NR6A1: variants seen among roughly 807,000 people sequenced by gnomAD.
NR6A1 encodes the protein nuclear receptor subfamily 6 group A member 1.
Under a neutral mutation model 59.1 loss-of-function variants are expected in NR6A1, and 7 were observed. That is an observed-to-expected ratio of 0.12 (90% CI 0.07 to 0.22). The LOEUF (loss-of-function observed/expected upper bound fraction) is 0.22, where lower values mean the gene tolerates loss of function less well. Ranked by LOEUF, NR6A1 falls within the 10% of genes least tolerant of loss-of-function variation. The pLI, the probability that NR6A1 is intolerant of heterozygous loss-of-function variation, is 1.00. For synonymous variants in NR6A1, 243 were observed against 236.1 expected, an observed-to-expected ratio of 1.03 and a Z score of -0.27; for missense variants, 468 against 611.6, an observed-to-expected ratio of 0.77 and a Z score of 2.48.
At chr9:124,530,819 T>G (rs969423464) in intron 7 of NR6A1, among the ~76,000 whole-genome samples, 3 of 152,218 alleles carry the variant, frequency 2.0e-5, no homozygotes, top group Non-Finnish European at 4.4e-5. Context: ...GAAAATGCTC[T>G]GGGAAAATAA....
intron 2 of NR6A1, among the ~76,000 whole-genome samples, chr9:124,573,038 T>A (rs1188085138): frequency 2.0e-5 from 3 of 152,246 alleles, no homozygotes; most frequent in Non-Finnish European, 4.4e-5. Flanking sequence ...CAAAGTTGTA[T>A]TAAGCTGAAA....
At chr9:124,589,356 G>A (rs1341658218) in intron 2 of NR6A1, among the ~76,000 whole-genome samples, 1 of 152,232 alleles carries the variant, frequency 6.6e-6, no homozygotes, top group Non-Finnish European at 1.5e-5. Context: ...TGAGGCAGGA[G>A]AGTGGCGTGA....
intron 2 of NR6A1, among the ~76,000 whole-genome samples, chr9:124,665,630 C>T (rs2130953794): frequency 6.6e-6 from 1 of 152,326 alleles, no homozygotes; most frequent in South Asian, 2.1e-4. Context: ...ATGTTTCCTT[C>T]ATCTCCTTCC....
At chr9:124,724,911 T>C (rs867158160) in intron 2 of NR6A1, among the ~76,000 whole-genome samples, 12 of 152,330 alleles carry the variant, frequency 7.9e-5, no homozygotes, top group East Asian at 1.9e-4. Flanking sequence ...CCCTTGTCTA[T>C]GGGACAGAAA....
At chr9:124,555,980 G>C (rs1291760101) in intron 2 of NR6A1, among the ~76,000 whole-genome samples, 1 of 152,194 alleles carries the variant, frequency 6.6e-6, no homozygotes, top group African/African-American at 2.4e-5. Flanking sequence ...ATACAGGAGG[G>C]ATGCAGAGAA....
At chr9:124,643,102 G>A (rs556888737) in intron 2 of NR6A1, among the ~76,000 whole-genome samples, 6 of 121,472 alleles carry the variant, frequency 4.9e-5, no homozygotes, top group East Asian at 3.9e-4. Context: ...GCCCTCGGGT[G>A]GGGGGGGGGA....
rs199953539 is a variant in NR6A1, at chr9:124,725,285, C to CA, written c.142+8022dup. 1.1e-4 allele frequency among the ~76,000 whole-genome samples: 16 copies of CA among 152,094 alleles called. No individual in the cohort carries two copies. In the East Asian group the frequency reaches 2.1e-3, roughly 20 times the overall value. On this transcript the variant is annotated intron_variant, in intron 2 of 9. Transcript: ENST00000487099. The stretch of plus-strand genomic sequence containing the variant: ...AACTTAGCCTGAACCTGTGCCATAA[C>CA]ATTGGACTCCAGGAAGTCCAGGAAT...
chr9:124,564,681 C>CTGTG lies in NR6A1; in HGVS notation c.143-10115_143-10112dup, dbSNP rs56301413. Among the ~76,000 whole-genome samples, 290 of 149,394 alleles carry CTGTG rather than the reference C, an allele frequency of 1.9e-3. 1 individual carries two copies. Among genetic ancestry groups the CTGTG allele is most frequent in the South Asian group, 3.8e-3 (18 of 4,700 alleles). ...TAAGGTCCCATTCAAAATCCACACTCTGTGTGTGTGTGTGTGTGTGTGTGT... is the reference window on the plus strand; with the variant it reads ...TAAGGTCCCATTCAAAATCCACACTCTGTGTGTGTGTGTGTGTGTGTGTGTGTGT... On this transcript the variant is annotated intron_variant, in intron 2 of 9. Transcript: ENST00000487099.
chr9:124,555,106 A>G (rs1028714792), intron 2 of NR6A1, among the ~76,000 whole-genome samples: 2 of 152,116 alleles, frequency 1.3e-5, no homozygotes, highest in African/African-American at 2.4e-5. Context: ...TGAAGCTTAC[A>G]CTCTAGCAGA....
At chr9:124,715,323 G>C (rs1002069015) in intron 2 of NR6A1, among the ~76,000 whole-genome samples, 1 of 151,912 alleles carries the variant, frequency 6.6e-6, no homozygotes, top group South Asian at 2.1e-4. Flanking sequence ...CTAAATTTAA[G>C]ACCAGCCTGG....
chr9:124,745,461 C>T (rs570495592), intron 1 of NR6A1, among the ~76,000 whole-genome samples: 14 of 152,168 alleles, frequency 9.2e-5, no homozygotes, highest in South Asian at 2.1e-4. Context: ...CACCTGAGGT[C>T]GGGAGTTTGA....
chr9:124,700,175 C>A (rs1256043365), intron 2 of NR6A1, among the ~76,000 whole-genome samples: 2 of 150,170 alleles, frequency 1.3e-5, no homozygotes, highest in African/African-American at 4.9e-5. Context: ...TAGGAGAAAT[C>A]ATATAACATG....
chr9:124,630,377 T>A (rs1234741647), intron 2 of NR6A1, among the ~76,000 whole-genome samples: 1 of 151,560 alleles, frequency 6.6e-6, no homozygotes, highest in Non-Finnish European at 1.5e-5. Flanking sequence ...AGCAGGCGCA[T>A]GACACCACGC....
intron 2 of NR6A1, among the ~76,000 whole-genome samples, chr9:124,665,985 TC>T (rs1401952012): frequency 6.6e-6 from 1 of 152,216 alleles, no homozygotes; most frequent in East Asian, 1.9e-4. Context: ...CAATATTATC[TC>T]CACAGAGCAG....
chr9:124,535,883 T>C lies in NR6A1; in HGVS notation c.1074A>G (p.Leu358=). Residue 358 remains leucine (L), a synonymous_variant, in exon 7 of 10, where the codon CTA becomes CTG. Transcript: ENST00000487099. ...TAKYSPSDEE[L]HRFSDEGMEV... ...CCCCAGCCAGGAGGCCTCACCTGTG[T>C]AGTTCTTCATCGGAGGGCGAGTACT... The C allele has an allele frequency of 6.2e-7, 1 of 1,614,206 alleles. No individual in the cohort carries two copies. Among genetic ancestry groups the C allele is most frequent in the Non-Finnish European group, 8.5e-7 (1 of 1,180,032 alleles).
At chr9:124,555,891 G>T in intron 2 of NR6A1, among the ~76,000 whole-genome samples, 1 of 152,194 alleles carries the variant, frequency 6.6e-6, no homozygotes, top group Non-Finnish European at 1.5e-5. Flanking sequence ...ACCCCAGCAG[G>T]TACACATTTA....
intron 2 of NR6A1, among the ~76,000 whole-genome samples, chr9:124,709,004 T>C (rs1377839239): frequency 2.0e-5 from 3 of 152,218 alleles, no homozygotes; most frequent in African/African-American, 2.4e-5. Context: ...GACCTGAATA[T>C]ATCTCTCTTC....
At chr9:124,623,516 T>A (rs1411190479) in intron 2 of NR6A1, among the ~76,000 whole-genome samples, 1 of 149,508 alleles carries the variant, frequency 6.7e-6, no homozygotes, top group Non-Finnish European at 1.5e-5. Context: ...TGAGCTACCA[T>A]GCCTGGCTAA....
At chr9:124,704,625 G>C (rs1339408692) in intron 2 of NR6A1, among the ~76,000 whole-genome samples, 1 of 152,132 alleles carries the variant, frequency 6.6e-6, no homozygotes, top group Non-Finnish European at 1.5e-5. Context: ...AGTGCTTTAA[G>C]CCTCTCCTTT....
Sources: allele counts gnomAD v4.1 joint callset (sites outside exome capture counted in the v4.1 genomes callset), GRCh38; gene constraint gnomAD v4.1.1; transcripts MANE v1.5; gene names NCBI Gene and HGNC (gene_info 2026-07-23, HGNC 2026-07-21).